The following GHR variants were observed in gnomAD, a reference collection of about 807,000 sequenced individuals.
GHR encodes GH receptor.
A neutral mutation model predicts 67.1 loss-of-function variants in GHR; 35 were observed. That is an observed-to-expected ratio of 0.52 (90% CI 0.40 to 0.69). GHR has a LOEUF of 0.69. Ranked by LOEUF, GHR falls within the 30% of genes least tolerant of loss-of-function variation. The pLI, the probability that GHR is intolerant of heterozygous loss-of-function variation, is 0.00. For missense variants in GHR, 792 were observed against 764.6 expected (o/e 1.04, Z -0.42); for synonymous variants, 272 against 269.1 (o/e 1.01, Z -0.10).
At chr5:42,638,629 T>A (rs950126974) in intron 3 of GHR, among the ~76,000 whole-genome samples, 1 of 152,220 alleles carries the variant, frequency 6.6e-6, no homozygotes, top group African/African-American at 2.4e-5. Flanking sequence ...AGTAAACATA[T>A]AGTATTGTAA....
Position 42,424,572 on chromosome 5 carries a change from G to A in GHR, c.-12+617G>A. The A allele has an allele frequency of 6.5e-7, 1 of 1,534,534 alleles. No homozygotes were observed. The highest frequency in any genetic ancestry group is 1.2e-5 in the South Asian group (1 of 84,036). ...CCGATGGAACTGGGGTCAGTAGAGT[G>A]ACAGCCACCAGTCCGCATGAACTGG... On this transcript the variant is annotated intron_variant, in intron 1 of 9. Transcript: ENST00000230882. This position sits in a 1 kb window ranked among gnomAD's most constrained non-coding sequence, Gnocchi z 4.1.
chr5:42,488,244 A>G (rs1275793329), intron 1 of GHR, among the ~76,000 whole-genome samples: 1 of 152,214 alleles, frequency 6.6e-6, no homozygotes, highest in Non-Finnish European at 1.5e-5. Context: ...TTATTTTTTA[A>G]TTTAGTACAC....
chr5:42,527,106 T>C (rs1346158227), intron 1 of GHR, among the ~76,000 whole-genome samples: 9 of 152,162 alleles, frequency 5.9e-5, no homozygotes, highest in African/African-American at 2.2e-4. Context: ...GAAAGACAGC[T>C]ACCATCTAAT....
At chr5:42,508,616 C>G (rs1032137345) in intron 1 of GHR, among the ~76,000 whole-genome samples, 4 of 152,194 alleles carry the variant, frequency 2.6e-5, no homozygotes, top group African/African-American at 9.6e-5. Flanking sequence ...CTCTGTCGCC[C>G]AGGCTGGAGT....
At chr5:42,504,014 A>T (rs574050342) in intron 1 of GHR, among the ~76,000 whole-genome samples, 1 of 152,280 alleles carries the variant, frequency 6.6e-6, no homozygotes, top group African/African-American at 2.4e-5. Flanking sequence ...AAACCATAAC[A>T]TTGGATTATG....
chr5:42,550,544 G>GA (rs1748973136), intron 1 of GHR, among the ~76,000 whole-genome samples: 1 of 152,096 alleles, frequency 6.6e-6, no homozygotes, highest in Non-Finnish European at 1.5e-5. Flanking sequence ...ATTTTCTAAG[G>GA]AAAAAAATTG....
chr5:42,441,995 G>A (rs1743600117), intron 1 of GHR, among the ~76,000 whole-genome samples: 1 of 152,196 alleles, frequency 6.6e-6, no homozygotes, highest in East Asian at 1.9e-4. Flanking sequence ...GCCTTGGAGA[G>A]GAGAGATGAT....
chr5:42,552,637 C>T (rs1212065434), intron 1 of GHR, among the ~76,000 whole-genome samples: 1 of 152,118 alleles, frequency 6.6e-6, no homozygotes, highest in Non-Finnish European at 1.5e-5. Flanking sequence ...ACCAAAATGC[C>T]AATATATTTG....
intron 1 of GHR, among the ~76,000 whole-genome samples, chr5:42,535,289 C>T (rs1433528945): frequency 1.3e-5 from 2 of 151,948 alleles, no homozygotes; most frequent in African/African-American, 4.8e-5. Flanking sequence ...TATAGTTTCA[C>T]GTTTTAGATT....
chr5:42,444,786 G>T (rs1743736425), intron 1 of GHR, among the ~76,000 whole-genome samples: 1 of 151,964 alleles, frequency 6.6e-6, no homozygotes, highest in Admixed American at 6.6e-5. Context: ...GTCTTTCGAG[G>T]TGGAACTCAA....
chr5:42,682,352 T>C (rs1484455664), intron 3 of GHR, among the ~76,000 whole-genome samples: 1 of 152,214 alleles, frequency 6.6e-6, no homozygotes, highest in Non-Finnish European at 1.5e-5. Flanking sequence ...GCAAGAAATA[T>C]TACTAGTTCA....
chr5:42,468,394 T>C, intron 1 of GHR: 3 of 1,225,718 alleles, frequency 2.4e-6, no homozygotes, highest in Non-Finnish European at 3.4e-6. Context: ...ATCTAAGCTT[T>C]ATGTTTCAAA....
chr5:42,718,072 C>G lies in GHR; in HGVS notation c.896C>G (p.Pro299Arg). ...KQQRIKMLIL[P>R]PVPVPKIKGI... ...TCAAGGATTAAAATGCTGATTCTGC[C>G]CCCAGTTCCAGTTCCAAAGATTAAA... Residue 299 changes from proline (P) to arginine (R), a missense_variant, in exon 9 of 10, where the codon CCC becomes CGC. Transcript: ENST00000230882. 6.3e-7 allele frequency: 1 copy of G among 1,587,938 alleles called. No homozygotes were observed. The highest frequency in any genetic ancestry group is 8.6e-7 in the Non-Finnish European group (1 of 1,156,822).
intron 2 of GHR, among the ~76,000 whole-genome samples, chr5:42,587,850 A>T (rs1751563643): frequency 6.6e-6 from 1 of 152,010 alleles, no homozygotes; most frequent in Non-Finnish European, 1.5e-5. Flanking sequence ...TTGTCTTCCC[A>T]TGCTACTACT....
intron 1 of GHR, among the ~76,000 whole-genome samples, chr5:42,539,659 C>T (rs1748412990): frequency 1.3e-5 from 2 of 152,194 alleles, no homozygotes; most frequent in Non-Finnish European, 2.9e-5. Context: ...TATTTTTTGA[C>T]AGTCTAATCC....
chr5:42,715,917 G>C (rs1758697832), intron 8 of GHR, among the ~76,000 whole-genome samples: 1 of 152,088 alleles, frequency 6.6e-6, no homozygotes, highest in Admixed American at 6.5e-5. Flanking sequence ...TTTGCAACTG[G>C]CTTGCTTTAT....
At chr5:42,670,605 A>G (rs1417699138) in intron 3 of GHR, among the ~76,000 whole-genome samples, 1 of 152,098 alleles carries the variant, frequency 6.6e-6, no homozygotes, top group East Asian at 1.9e-4. Context: ...AGGAGAAAAT[A>G]TTTGCAAATC....
At chr5:42,666,819 C>T (rs796426755) in intron 3 of GHR, among the ~76,000 whole-genome samples, 1 of 152,182 alleles carries the variant, frequency 6.6e-6, no homozygotes, top group Non-Finnish European at 1.5e-5. Context: ...AAAGTTGTGT[C>T]TCTCTAAATC....
At chr5:42,612,971 C>T (rs887467333) in intron 2 of GHR, among the ~76,000 whole-genome samples, 4 of 152,046 alleles carry the variant, frequency 2.6e-5, no homozygotes, top group Admixed American at 2.6e-4. Context: ...GCATATCCAG[C>T]CTCACTTACT....
Sources: gnomAD v4.1 joint callset for allele counts (sites outside exome capture counted in the v4.1 genomes callset) on GRCh38, gnomAD v4.1.1 for gene constraint, Gnocchi (gnomAD v3.1) non-coding constraint, MANE v1.5 for transcripts, NCBI Gene and HGNC (gene_info 2026-07-23, HGNC 2026-07-21) for gene names.